ATF6: variants seen among roughly 807,000 people sequenced by gnomAD.
ATF6 encodes the protein cyclic AMP-dependent transcription factor ATF-6 alpha.
ATF6 carries 53 observed loss-of-function variants against 83.6 expected under a neutral mutation model. The observed-to-expected ratio is 0.63, with a 90% CI of 0.51 to 0.80. The LOEUF (loss-of-function observed/expected upper bound fraction) is 0.80, where lower values mean the gene tolerates loss of function less well. ATF6 is among the 30% of genes least tolerant of loss of function. The probability of loss-of-function intolerance (pLI) is 0.00; values close to 1 mark genes in which losing one functional copy is unlikely to be tolerated. For synonymous variants in ATF6, 288 were observed against 285.8 expected, an observed-to-expected ratio of 1.01 and a Z score of -0.08; for missense variants, 744 against 797.9, an observed-to-expected ratio of 0.93 and a Z score of 0.81.
At chr1:161,870,239 T>C (rs1687093522) in intron 14 of ATF6, among the ~76,000 whole-genome samples, 1 of 151,880 alleles carries the variant, frequency 6.6e-6, no homozygotes, top group Admixed American at 6.6e-5. Flanking sequence ...ACCTGTTAAT[T>C]ATAATTATAG....
intron 9 of ATF6, among the ~76,000 whole-genome samples, chr1:161,837,529 A>T (rs188974697): frequency 8.5e-5 from 13 of 152,256 alleles, no homozygotes; most frequent in Admixed American, 2.6e-4. Context: ...CAGACGATCT[A>T]TGTACCTTAT....
At chr1:161,876,031 G>A (rs753205547) in intron 14 of ATF6, among the ~76,000 whole-genome samples, 1 of 151,802 alleles carries the variant, frequency 6.6e-6, no homozygotes. Context: ...TCATGCTAGG[G>A]CACCATCATT....
intron 14 of ATF6, among the ~76,000 whole-genome samples, chr1:161,870,476 A>G (rs867692866): frequency 6.6e-6 from 1 of 151,790 alleles, no homozygotes; most frequent in African/African-American, 2.4e-5. Context: ...AAGCTGTTTT[A>G]ATTATTGGTA....
At chr1:161,852,060 A>C (rs1473300631) in intron 11 of ATF6, among the ~76,000 whole-genome samples, 1 of 152,210 alleles carries the variant, frequency 6.6e-6, no homozygotes, top group Non-Finnish European at 1.5e-5. Flanking sequence ...TCTTCTTTAA[A>C]AACTACAGAA....
At chr1:161,912,866 T>C (rs1688018978) in intron 15 of ATF6, among the ~76,000 whole-genome samples, 1 of 152,042 alleles carries the variant, frequency 6.6e-6, no homozygotes, top group African/African-American at 2.4e-5. Context: ...TTACTAGCCC[T>C]GGACATTAAA....
intron 10 of ATF6, among the ~76,000 whole-genome samples, chr1:161,847,520 C>A (rs779377315): frequency 1.3e-5 from 2 of 152,056 alleles, no homozygotes; most frequent in Non-Finnish European, 2.9e-5. Flanking sequence ...GTAGCTGCAA[C>A]GCAACATAGC....
At chr1:161,891,633 GAGA>G (rs913142220) in intron 14 of ATF6, 2 of 152,110 alleles carry the variant, frequency 1.3e-5, no homozygotes, top group Admixed American at 1.3e-4. Context: ...TAAAAACATT[GAGA>G]AGATCAAGAT....
At chr1:161,905,841 T>G (rs563526934) in intron 14 of ATF6, among the ~76,000 whole-genome samples, 2 of 150,648 alleles carry the variant, frequency 1.3e-5, no homozygotes, top group African/African-American at 2.4e-5. Flanking sequence ...TTGTTTTTTG[T>G]TTTTTTTTGA....
chr1:161,784,095 C>G lies in ATF6; in HGVS notation c.353C>G (p.Pro118Arg). 2 of 1,599,574 alleles carry G rather than the reference C, an allele frequency of 1.3e-6. No individual in the cohort carries two copies. The highest frequency in any genetic ancestry group is 1.7e-6 in the Non-Finnish European group (2 of 1,167,666). Residue 118 changes from proline (P) to arginine (R), a missense_variant and splice_region_variant, in exon 4 of 16, where the codon CCT (proline) becomes CGT (arginine). Coordinates refer to ENST00000367942, the MANE Select transcript of ATF6 (RefSeq NM_007348.4). ...TCTTATTCTTCAACTCAGCATGTTC[C>G]TGTGAGTAGCCAGTCTTTTACAATG... is the stretch of plus-strand genomic sequence containing the variant. ...VDSYSSTQHV[P>R]EELDLSSSSQ...
At chr1:161,943,550 C>G (rs989517595) in intron 15 of ATF6, among the ~76,000 whole-genome samples, 4 of 152,128 alleles carry the variant, frequency 2.6e-5, no homozygotes, top group African/African-American at 9.7e-5. Flanking sequence ...TCCTACTCTT[C>G]CCTTGATTCT....
intron 7 of ATF6, among the ~76,000 whole-genome samples, chr1:161,817,801 A>G (rs1571157793): frequency 6.6e-6 from 1 of 152,046 alleles, no homozygotes; most frequent in African/African-American, 2.4e-5. Context: ...TGTTGTTTTA[A>G]AAGAAATAGA....
chr1:161,809,378 C>A (rs1288744478), intron 7 of ATF6, among the ~76,000 whole-genome samples: 1 of 152,082 alleles, frequency 6.6e-6, no homozygotes, highest in Admixed American at 6.6e-5. Flanking sequence ...TGAACTTATC[C>A]TTTTTTATGG....
intron 14 of ATF6, among the ~76,000 whole-genome samples, chr1:161,876,777 A>T (rs1198167844): frequency 2.0e-5 from 3 of 152,014 alleles, no homozygotes; most frequent in Non-Finnish European, 2.9e-5. Flanking sequence ...GTGAGTCATA[A>T]AATTCTCAAA....
chr1:161,907,217 A>G (rs1039688175), intron 14 of ATF6, among the ~76,000 whole-genome samples: 1 of 152,206 alleles, frequency 6.6e-6, no homozygotes, highest in African/African-American at 2.4e-5. Context: ...TTGAGGGTTA[A>G]TATGTTCTTC....
intron 14 of ATF6, among the ~76,000 whole-genome samples, chr1:161,900,023 C>A (rs571234729): frequency 1.8e-4 from 27 of 152,234 alleles, no homozygotes; most frequent in East Asian, 5.8e-4. Flanking sequence ...CCAGTTTCCT[C>A]CCACATCCTT....
At chr1:161,841,426 C>T (rs867852752) in intron 9 of ATF6, among the ~76,000 whole-genome samples, 6 of 152,110 alleles carry the variant, frequency 3.9e-5, no homozygotes, top group African/African-American at 1.4e-4. Flanking sequence ...AGAGAAATTC[C>T]ATTTTAAGAC....
At chr1:161,947,920 G>C (rs1021518930) in intron 15 of ATF6, among the ~76,000 whole-genome samples, 18 of 135,682 alleles carry the variant, frequency 1.3e-4, no homozygotes, top group African/African-American at 5.1e-4. Flanking sequence ...TGCCTCCCAA[G>C]TTCAAGTGAT....
At chr1:161,953,757 C>T (rs1688916425) in intron 15 of ATF6, among the ~76,000 whole-genome samples, 1 of 152,180 alleles carries the variant, frequency 6.6e-6, no homozygotes, top group Non-Finnish European at 1.5e-5. Context: ...TTTACTGTTA[C>T]TCACTCAGCG....
chr1:161,847,178 G>A (rs1324266779), intron 10 of ATF6, among the ~76,000 whole-genome samples: 3 of 152,070 alleles, frequency 2.0e-5, no homozygotes, highest in African/African-American at 7.2e-5. Context: ...TATACTTTTT[G>A]ATAAACATTT....
Sources: allele counts gnomAD v4.1 joint callset (sites outside exome capture counted in the v4.1 genomes callset), GRCh38; gene constraint gnomAD v4.1.1; transcripts MANE v1.5; gene names NCBI Gene and HGNC (gene_info 2026-07-23, HGNC 2026-07-21).